Variants in SF3B3 observed in about 807,000 individuals in gnomAD.
The protein encoded by SF3B3 is SAP 130.
A neutral mutation model predicts 139.2 loss-of-function variants in SF3B3; 33 were observed. The observed-to-expected ratio is 0.24, with a 90% CI of 0.18 to 0.32. SF3B3 has a LOEUF of 0.32. Ranked by LOEUF, SF3B3 falls within the 10% of genes least tolerant of loss-of-function variation. The pLI is 1.00. For synonymous variants in SF3B3, 596 were observed against 563.6 expected (o/e 1.06, Z -0.81); for missense variants, 818 against 1,509.4 (o/e 0.54, Z 7.59).
intron 9 of SF3B3, among the ~76,000 whole-genome samples, chr16:70,542,503 A>G (rs892705607): frequency 1.1e-4 from 17 of 152,072 alleles, no homozygotes; most frequent in Non-Finnish European, 2.5e-4. Context: ...TGCATCCTCA[A>G]TTGTCAGGGT....
In SF3B3 at chr16:70,573,213, A is replaced by G. The variant is rs771232118; in HGVS notation, c.*1400A>G. The G allele has an allele frequency of 6.6e-6, 1 of 152,094 alleles. No homozygotes were observed. The highest frequency in any genetic ancestry group is 1.5e-5 in the Non-Finnish European group (1 of 67,996). The allele number at this position is 152,094 out of a possible 1,614,324, so 9.4% of individuals were successfully genotyped here. On this transcript the variant is annotated 3_prime_UTR_variant, in exon 26 of 26. Transcript: ENST00000302516. ...TCCCTAAATAACATGTTTTTTTCTC[A>G]CTTAGCTCATGAATTTGCATAGTAG...
chr16:70,526,935 T>C (rs1337375850), intron 2 of SF3B3: 1 of 593,656 alleles, frequency 1.7e-6, no homozygotes, highest in African/African-American at 1.9e-5. Context: ...TGTGTAATGA[T>C]TCTTGTCAGG....
intron 11 of SF3B3, among the ~76,000 whole-genome samples, chr16:70,551,497 A>G (rs2050324653): frequency 6.6e-6 from 1 of 152,104 alleles, no homozygotes; most frequent in Non-Finnish European, 1.5e-5. Flanking sequence ...GAGGTTGGGA[A>G]TTTGAGACCA....
In SF3B3 at chr16:70,535,301, C is replaced by T. The variant is rs376789557; in HGVS notation, c.713-7C>T. 1.4e-6 allele frequency: 2 copies of T among 1,468,064 alleles called. No individual in the cohort carries two copies. Among genetic ancestry groups the T allele is most frequent in the African/African-American group, 1.4e-5 (1 of 70,596 alleles). 90.9% of individuals were successfully genotyped at this position (1,468,064 alleles called of 1,614,324 possible). A position where few individuals can be genotyped will look rare whatever the true frequency, so the allele number is the denominator to read the frequency against. The stretch of plus-strand genomic sequence containing the variant: ...AAGTCACTGCTAAGTTTTATTTTCT[C>T]TCACAGTTCCAGGAGGGTCAGATGG... On this transcript the variant is annotated splice_region_variant and splice_polypyrimidine_tract_variant and intron_variant, in intron 5 of 25. Transcript: ENST00000302516.
chr16:70,565,655 A>G (rs1260317597), intron 20 of SF3B3, 131 bp downstream of exon 20: 1 of 799,148 alleles, frequency 1.3e-6, no homozygotes, highest in Non-Finnish European at 2.0e-6. Flanking sequence ...GCACATGGAA[A>G]ATGCTGGGGC....
chr16:70,546,703 A>T (rs2050271748), intron 10 of SF3B3, among the ~76,000 whole-genome samples: 1 of 151,352 alleles, frequency 6.6e-6, no homozygotes, highest in South Asian at 2.1e-4. Flanking sequence ...TAAGAGATAA[A>T]TGACTCAAGA....
rs1597705521 is a variant in SF3B3 at position 70,530,857 on chromosome 16, A to G, written c.510A>G (p.Val170=). 5.6e-6 allele frequency: 9 copies of G among 1,614,036 alleles called. No homozygotes were observed. In the Middle Eastern group the frequency reaches 4.9e-4, roughly 89 times the overall value. The change falls in exon 4 of 26, where the codon GTA becomes GTG. Residue 170 remains valine (V), a synonymous_variant. Transcript: ENST00000302516. ...AHKANTLVYH[V]VGVDVGFENP... ...AAGCAAACACTTTAGTGTATCATGT[A>G]GTTGGAGTAGATGTCGGATTTGAAA... is the stretch of plus-strand genomic sequence containing the variant.
In SF3B3 at chr16:70,571,885, G is replaced by C; in HGVS notation, c.*72G>C. The C allele has an allele frequency of 2.0e-6, 3 of 1,534,038 alleles. No homozygotes were observed. Among genetic ancestry groups the C allele is most frequent in the Non-Finnish European group, 2.6e-6 (3 of 1,137,182 alleles). On this transcript the variant is annotated 3_prime_UTR_variant, in exon 26 of 26. Transcript: ENST00000302516. ...CCCCCACCACCATCACTGCCACCTG[G>C]CTTCTGCCATGTGGCAGGAGGGTGA...
At chr16:70,535,030 A>T (rs1341502734) in intron 5 of SF3B3, among the ~76,000 whole-genome samples, 1 of 152,182 alleles carries the variant, frequency 6.6e-6, no homozygotes, top group Non-Finnish European at 1.5e-5. Flanking sequence ...TTGATGTATT[A>T]TAGGTCTGAA....
intron 10 of SF3B3, among the ~76,000 whole-genome samples, chr16:70,546,020 T>C (rs1345201859): frequency 1.3e-5 from 2 of 152,208 alleles, no homozygotes; most frequent in African/African-American, 4.8e-5. Context: ...TTGAGTGCAG[T>C]GGTGAGACTT....
At chr16:70,562,132 C>T (rs1356102666) in intron 17 of SF3B3, among the ~76,000 whole-genome samples, 3 of 152,180 alleles carry the variant, frequency 2.0e-5, no homozygotes, top group Admixed American at 6.5e-5. Context: ...TCTGTCTTGT[C>T]ATTTGCGGTA....
intron 18 of SF3B3, 84 bp from the exon 19 acceptor site, chr16:70,564,981 G>A (rs1183818451): frequency 8.0e-7 from 1 of 1,253,816 alleles, no homozygotes; most frequent in African/African-American, 1.5e-5. Context: ...AGAACCCCCT[G>A]GAGTGTTCTT....
Position 70,568,366 on chromosome 16 carries a change from T to A in SF3B3, c.3036T>A (p.Val1012=). Reference sequence around the variant, plus strand: ...ATGTCCAAGAAAGTTTCATCTGGGTTCGCTACAAGCGTAATGAAAACCAGC... The same window carrying A: ...ATGTCCAAGAAAGTTTCATCTGGGTACGCTACAAGCGTAATGAAAACCAGC... The part of the protein sequence containing the change: ...VSDVQESFIW[V]RYKRNENQLI... Residue 1012 remains valine (V), a synonymous_variant, in exon 22 of 26, where the codon GTT becomes GTA. Transcript: ENST00000302516. The A allele has an allele frequency of 6.2e-7, 1 of 1,614,086 alleles. No homozygotes were observed. The highest frequency in any genetic ancestry group is 8.5e-7 in the Non-Finnish European group (1 of 1,179,904).
intron 6 of SF3B3, among the ~76,000 whole-genome samples, chr16:70,536,390 G>C (rs1365055700): frequency 6.6e-6 from 1 of 151,954 alleles, no homozygotes; most frequent in Non-Finnish European, 1.5e-5. Context: ...TTGAGACGGA[G>C]TCTCGCTCTG....
At chr16:70,544,785 A>T (rs1420502510) in intron 10 of SF3B3, among the ~76,000 whole-genome samples, 1 of 150,708 alleles carries the variant, frequency 6.6e-6, no homozygotes, top group African/African-American at 2.4e-5. Context: ...TGACCTCTTG[A>T]GCTCAAGTGA....
chr16:70,533,744 CTA>C (rs1221843425), intron 5 of SF3B3, among the ~76,000 whole-genome samples: 2 of 152,054 alleles, frequency 1.3e-5, no homozygotes, highest in African/African-American at 4.8e-5. Context: ...CAACTGATGT[CTA>C]AAATAAGATG....
chr16:70,528,818 A>G (rs530666724), intron 2 of SF3B3, 55 bp from the exon 3 acceptor site: 24 of 1,349,210 alleles, frequency 1.8e-5, no homozygotes, highest in South Asian at 2.6e-5. Flanking sequence ...GGGTTTCACC[A>G]TGGTGGCCAG....
chr16:70,544,448 T>G lies in SF3B3; in HGVS notation c.1244T>G (p.Leu415Arg), dbSNP rs2050249636. 2 of 1,609,088 alleles carry G rather than the reference T, an allele frequency of 1.2e-6. No homozygotes were observed. The highest frequency in any genetic ancestry group is 4.5e-5 in the East Asian group (2 of 44,834). Residue 415 changes from leucine (L) to arginine (R), a missense_variant, in exon 10 of 26, where the codon CTG becomes CGG. Coordinates refer to ENST00000302516, the MANE Select transcript of SF3B3 (RefSeq NM_012426.5). ...TTTTTCTCTGTGCAGATAGCTGATC[T>G]GGCCAATGAAGATACTCCACAGTTG... ...SPILFCQIAD[L>R]ANEDTPQLYV...
chr16:70,531,296 C>T (rs1027023710), intron 4 of SF3B3, among the ~76,000 whole-genome samples: 2 of 152,076 alleles, frequency 1.3e-5, no homozygotes, highest in African/African-American at 4.8e-5. Context: ...CGTTTTCTTC[C>T]TTGTGCATAC....
Sources: gnomAD v4.1 joint callset for allele counts (sites outside exome capture counted in the v4.1 genomes callset) on GRCh38, gnomAD v4.1.1 for gene constraint, MANE v1.5 for transcripts, NCBI Gene and HGNC (gene_info 2026-07-23, HGNC 2026-07-21) for gene names.